Variants in RNASEH2B observed in about 807,000 individuals in gnomAD.
RNASEH2B encodes ribonuclease H2 subunit B, also known as Aicardi-Goutieres syndrome 2 protein.
RNASEH2B carries 36 observed loss-of-function variants against 45.0 expected under a neutral mutation model. The observed-to-expected ratio is 0.80, with a 90% CI of 0.61 to 1.06. RNASEH2B has a LOEUF of 1.06. Among genes scored for constraint, RNASEH2B ranks in the 50% least tolerant of loss-of-function variants. The pLI is 0.00. For missense variants in RNASEH2B, 361 were observed against 360.3 expected (o/e 1.00, Z -0.02); for synonymous variants, 119 against 125.7 (o/e 0.95, Z 0.35).
At chr13:50,918,101 A>G (rs67932352) in intron 1 of RNASEH2B, among the ~76,000 whole-genome samples, 32,480 of 151,992 alleles carry the variant, frequency 0.21, 3,925 homozygotes, top group African/African-American at 0.33. Context: ...TTTGTCTTCT[A>G]TGGTCCTGCT....
chr13:50,955,570 T>C (rs1952034877), intron 10 of RNASEH2B: 1 of 152,244 alleles, frequency 6.6e-6, no homozygotes. Flanking sequence ...AGCAGAATTG[T>C]GGGAATCATA....
chr13:50,943,100 C>A, intron 5 of RNASEH2B: 31 of 432,826 alleles, frequency 7.2e-5, no homozygotes, highest in East Asian at 1.3e-4. Flanking sequence ...TGAAGGTTTT[C>A]TTAAATTCTT....
downstream of RNASEH2B, among the ~76,000 whole-genome samples, chr13:50,960,503 A>G (rs753022904): frequency 3.3e-5 from 5 of 152,144 alleles, no homozygotes; most frequent in Non-Finnish European, 7.4e-5. Context: ...TTTTATACTT[A>G]GTTTCCTTAA....
At chr13:50,926,313 TAA>T (rs1283224604) in intron 1 of RNASEH2B, among the ~76,000 whole-genome samples, 2 of 152,124 alleles carry the variant, frequency 1.3e-5, no homozygotes, top group African/African-American at 2.4e-5. Flanking sequence ...CATAGAAAAA[TAA>T]AAGAGAGTAA....
chr13:50,960,304 G>T (rs192635078), downstream of RNASEH2B: 26 of 352,200 alleles, frequency 7.4e-5, no homozygotes, highest in Admixed American at 1.1e-3. Context: ...TTTAAAAATT[G>T]CATGCAATTC....
chr13:50,954,489 T>C (rs1195460409), intron 10 of RNASEH2B: 1 of 162,296 alleles, frequency 6.2e-6, no homozygotes, highest in East Asian at 1.8e-4. Flanking sequence ...ATTGTGAAAA[T>C]GTTCACATAT....
intron 9 of RNASEH2B, chr13:50,950,372 G>A (rs1022389548): frequency 6.6e-6 from 1 of 152,298 alleles, no homozygotes; most frequent in East Asian, 1.9e-4. Context: ...AGGTGGTGGT[G>A]GCTCCAAAGA....
At chr13:50,963,104 AT>A (rs1242182742) in intron 9 of RNASEH2B, among the ~76,000 whole-genome samples, 9 of 151,704 alleles carry the variant, frequency 5.9e-5, no homozygotes, top group African/African-American at 2.2e-4. Context: ...GATTTATAGC[AT>A]TTCATCTTCT....
At chr13:50,964,515 G>A (rs938226267) in intron 9 of RNASEH2B, among the ~76,000 whole-genome samples, 2 of 152,144 alleles carry the variant, frequency 1.3e-5, no homozygotes, top group Non-Finnish European at 2.9e-5. Flanking sequence ...CAAAAGATGA[G>A]AGGAGGAGCT....
At chr13:50,910,161 G>A (rs1224659844) in intron 1 of RNASEH2B, 21 bp downstream of exon 1, 15 of 1,423,036 alleles carry the variant, frequency 1.1e-5, no homozygotes, top group Non-Finnish European at 1.3e-5. Flanking sequence ...GCGCCCGGGC[G>A]GCGGGGTCGG....
chr13:50,925,303 T>C (rs1833881732), intron 1 of RNASEH2B, among the ~76,000 whole-genome samples: 1 of 152,198 alleles, frequency 6.6e-6, no homozygotes, highest in Admixed American at 6.5e-5. Flanking sequence ...TATTATCTTG[T>C]ATATTAATAC....
At chr13:50,929,864 C>T (rs1420784268) in intron 3 of RNASEH2B, among the ~76,000 whole-genome samples, 1 of 152,192 alleles carries the variant, frequency 6.6e-6, no homozygotes, top group Non-Finnish European at 1.5e-5. Context: ...TAGATTTGTA[C>T]ATGGGGCACA....
chr13:50,929,389 G>T, intron 2 of RNASEH2B, 86 bp from the exon 3 acceptor site: 1 of 827,202 alleles, frequency 1.2e-6, no homozygotes, highest in South Asian at 1.4e-5. Context: ...ACATTCGTCA[G>T]AGATACTGGA....
At chr13:50,961,571 C>G (rs1952111486), downstream of RNASEH2B, among the ~76,000 whole-genome samples, 1 of 152,114 alleles carries the variant, frequency 6.6e-6, no homozygotes, top group Admixed American at 6.5e-5. Context: ...GTTTCAGCCT[C>G]TTGTCCTGTG....
downstream of RNASEH2B, among the ~76,000 whole-genome samples, chr13:50,958,452 G>A (rs1952078016): frequency 1.3e-5 from 2 of 152,032 alleles, no homozygotes; most frequent in African/African-American, 2.4e-5. Flanking sequence ...TGGCCTATGT[G>A]TCTGTTTTTG....
intron 9 of RNASEH2B, among the ~76,000 whole-genome samples, chr13:50,963,857 A>T (rs1952138044): frequency 6.6e-6 from 1 of 152,140 alleles, no homozygotes; most frequent in South Asian, 2.1e-4. Flanking sequence ...TCAGTCTGTG[A>T]TGGTACATTG....
chr13:50,955,461 G>T (rs1266055748), intron 10 of RNASEH2B: 1 of 152,184 alleles, frequency 6.6e-6, no homozygotes, highest in Non-Finnish European at 1.5e-5. Context: ...ACAGCATGGA[G>T]AATGTCTTAA....
intron 2 of RNASEH2B, among the ~76,000 whole-genome samples, chr13:50,928,119 AGT>A (rs1268690408): frequency 2.6e-5 from 4 of 152,154 alleles, no homozygotes; most frequent in Non-Finnish European, 4.4e-5. Flanking sequence ...AAAATATTAA[AGT>A]GTATTCTAAA....
At chr13:50,945,154 A>C (rs1951884640) in intron 6 of RNASEH2B, among the ~76,000 whole-genome samples, 1 of 152,190 alleles carries the variant, frequency 6.6e-6, no homozygotes, top group African/African-American at 2.4e-5. Context: ...GCCTGACTCC[A>C]GAGTCAGCTC....
Sources: gnomAD v4.1 joint callset for allele counts (sites outside exome capture counted in the v4.1 genomes callset) on GRCh38, gnomAD v4.1.1 for gene constraint, MANE v1.5 for transcripts, NCBI Gene and HGNC (gene_info 2026-07-23, HGNC 2026-07-21) for gene names.